Variants in PCARE observed in about 807,000 individuals in gnomAD.
The protein encoded by PCARE is uncharacterized protein C2orf71.
In PCARE, 72 loss-of-function variants were observed where a neutral mutation model predicts 82.2. The ratio of observed to expected loss-of-function variants is 0.88; its 90% CI spans 0.72 to 1.07. PCARE has a LOEUF of 1.07. Among genes scored for constraint, PCARE ranks in the 50% least tolerant of loss-of-function variants. PCARE has a pLI of 0.00. For missense variants in PCARE, 1,768 were observed against 1,592.4 expected (o/e 1.11, Z -1.88); for synonymous variants, 705 against 634.8 (o/e 1.11, Z -1.66).
chr2:29,069,429 C>G (rs747622339), intron 1 of PCARE, among the ~76,000 whole-genome samples: 4 of 152,198 alleles, frequency 2.6e-5, no homozygotes, highest in Non-Finnish European at 2.9e-5. Flanking sequence ...ATTAATTATC[C>G]TTAGCAAACT....
rs746005947 is a variant in PCARE, at chr2:29,073,354, G to A, written c.908C>T (p.Thr303Ile). Residue 303 changes from threonine (T) to isoleucine (I), a missense_variant, in exon 1 of 2, where the codon ACT becomes ATT. Coordinates refer to ENST00000331664, the MANE Select transcript of PCARE (RefSeq NM_001029883.3). ...LEGSSSYLHS[T>I]ATHLENKLST... The stretch of plus-strand genomic sequence containing the variant: ...CAGCTTATTTTCCAAGTGGGTTGCA[G>A]TGGAGTGGAGGTAGCTGCTGGAGCC... 6.2e-7 allele frequency: 1 copy of A among 1,613,992 alleles called. No homozygotes were observed. The highest frequency in any genetic ancestry group is 8.5e-7 in the Non-Finnish European group (1 of 1,180,046).
At position 29,071,149 on chromosome 2, in the gene PCARE, AC is replaced by A; in HGVS notation, c.3112del (p.Val1038CysfsTer2). ...TPPSPPVSPR[V>X]LSPPTTKRRT... ...CCGCTTTGTGGTGGGTGGGCTTAGCACCCTGGGGCTCACAGGTGGGCTGGGG... is the reference window on the plus strand; with the variant it reads ...CCGCTTTGTGGTGGGTGGGCTTAGCACCTGGGGCTCACAGGTGGGCTGGGG... On this transcript the variant is annotated frameshift_variant, in exon 1 of 2. Coordinates refer to ENST00000331664, the MANE Select transcript of PCARE (RefSeq NM_001029883.3). LOFTEE classifies it high-confidence loss of function. The A allele has an allele frequency of 6.3e-7, 1 of 1,575,534 alleles. No individual in the cohort carries two copies. The highest frequency in any genetic ancestry group is 8.6e-7 in the Non-Finnish European group (1 of 1,161,884).
At position 29,072,534 on chromosome 2, in the gene PCARE, T is replaced by TG; in HGVS notation, c.1727dup (p.Arg577LysfsTer3). The TG allele has an allele frequency of 6.2e-7, 1 of 1,614,134 alleles. No homozygotes were observed. Among genetic ancestry groups the TG allele is most frequent in the Non-Finnish European group, 8.5e-7 (1 of 1,180,010 alleles). On this transcript the variant is annotated frameshift_variant, in exon 1 of 2. Transcript: ENST00000331664. LOFTEE classifies it high-confidence loss of function. ...TGCTGCCACTTACCGTGCTAGGTCT[T>TG]GGGGGGACCACTGTCCTCCCCTCCT... is the stretch of plus-strand genomic sequence containing the variant.
chr2:29,071,123 G>A lies in PCARE; in HGVS notation c.3139C>T (p.Arg1047Ter), dbSNP rs767286082. 3.8e-6 allele frequency: 6 copies of A among 1,586,704 alleles called. No homozygotes were observed. Among genetic ancestry groups the A allele is most frequent in the East Asian group, 2.2e-5 (1 of 44,606 alleles). The change falls in exon 1 of 2, where the codon CGA becomes TGA. Residue 1047 changes from arginine to a stop codon, truncating the protein, a stop_gained. Coordinates refer to ENST00000331664, the MANE Select transcript of PCARE (RefSeq NM_001029883.3). LOFTEE classifies it high-confidence loss of function. Reference protein sequence around the residue: ...RVLSPPTTKRRTSPPHQPKLP... With the variant: ...RVLSPPTTKR ...TTGGGCTGGTGCGGTGGGGAAGTTCGCCGCTTTGTGGTGGGTGGGCTTAGC... is the reference window on the plus strand; with the variant it reads ...TTGGGCTGGTGCGGTGGGGAAGTTCACCGCTTTGTGGTGGGTGGGCTTAGC...
chr2:29,073,981 G>T lies in PCARE; in HGVS notation c.281C>A (p.Pro94Gln). Residue 94 changes from proline to glutamine, a missense_variant, in exon 1 of 2, where the codon CCA becomes CAA. Pro to Gln is a moderately conservative substitution (Grantham distance 76, BLOSUM62 -1). Coordinates refer to ENST00000331664, the MANE Select transcript of PCARE (RefSeq NM_001029883.3). ...CTGGGATGAAGAGGTTTTGGTTCCT[G>T]GGATCAGTCCTTCCATATCTTTCCT... is the stretch of plus-strand genomic sequence containing the variant. ...GKRKDMEGLI[P>Q]GTKTSSSQLN... is the part of the protein sequence containing the mutation. 1 of 1,614,196 alleles carries T rather than the reference G, an allele frequency of 6.2e-7. No homozygotes were observed. The highest frequency in any genetic ancestry group is 8.5e-7 in the Non-Finnish European group (1 of 1,180,022).
chr2:29,072,777 G>A lies in PCARE; in HGVS notation c.1485C>T (p.Asp495=). Residue 495 remains aspartate, a synonymous_variant, in exon 1 of 2, where the codon GAC becomes GAT. Coordinates refer to ENST00000331664, the MANE Select transcript of PCARE (RefSeq NM_001029883.3). ...EDSSPEEEEE[D]KMSSMSLCAW... ...CACACAGACTCATGCTGCTCATTTT[G>A]TCTTCCTCCTCCTCCTCTGGGCTGC... 1 of 1,614,034 alleles carries A rather than the reference G, an allele frequency of 6.2e-7. No individual in the cohort carries two copies. The highest frequency in any genetic ancestry group is 8.5e-7 in the Non-Finnish European group (1 of 1,180,006).
In PCARE at chr2:29,073,460, G is replaced by A. The variant is rs866543181; in HGVS notation, c.802C>T (p.Gln268Ter). The change falls in exon 1 of 2, where the codon CAA (glutamine) becomes TAA (stop). Residue 268 changes from glutamine to a stop codon, truncating the protein, a stop_gained. Transcript: ENST00000331664. LOFTEE classifies it high-confidence loss of function. ...CTGACTGTGTACTGTAGCAGCTGTT[G>A]CAGGAGATTTGGCTGCTCCTGGGGC... ...REPQEQPNLL[Q>*]QLLQYTVSKL... 2 of 1,614,062 alleles carry A rather than the reference G, an allele frequency of 1.2e-6. No individual in the cohort carries two copies. The highest frequency in any genetic ancestry group is 1.3e-5 in the African/African-American group (1 of 74,930).
Position 29,073,022 on chromosome 2 carries a change from G to A in PCARE, c.1240C>T (p.Leu414Phe), listed in dbSNP as rs1558489813. The A allele has an allele frequency of 6.2e-7, 1 of 1,614,164 alleles. No homozygotes were observed. Among genetic ancestry groups the A allele is most frequent in the Non-Finnish European group, 8.5e-7 (1 of 1,180,024 alleles). The stretch of plus-strand genomic sequence containing the variant: ...ACCTTTGCCATAGGAGCCCCTGAGA[G>A]CAGGCAGTCCTGGGGTCTGCCTGAG... ...LGSGRPQDCLLSGAPMAKVQP... is the reference protein window; with the variant it reads ...LGSGRPQDCLFSGAPMAKVQP... Residue 414 changes from leucine to phenylalanine, a missense_variant, in exon 1 of 2, where the codon CTC becomes TTC. Physicochemically the swap from Leu to Phe is conservative, Grantham distance 22. Transcript: ENST00000331664.
In PCARE at chr2:29,063,625, C is replaced by G. The variant is rs1667344190; in HGVS notation, c.*1244G>C. 1 of 152,600 alleles carries G rather than the reference C, an allele frequency of 6.6e-6. No homozygotes were observed. Among genetic ancestry groups the G allele is most frequent in the African/African-American group, 2.4e-5 (1 of 41,434 alleles). The allele number at this position is 152,600 out of a possible 1,614,324, so 9.5% of individuals were successfully genotyped here. A position where few individuals can be genotyped will look rare whatever the true frequency, so the allele number is the denominator to read the frequency against. ...CTGGAGGATCGTCCCTTTGCTGTAC[C>G]CCAGTGGGTAAGAATTCTTGTCTTT... is the stretch of plus-strand genomic sequence containing the variant. On this transcript the variant is annotated 3_prime_UTR_variant, in exon 2 of 2. Transcript: ENST00000331664.
chr2:29,072,586 C>G lies in PCARE; in HGVS notation c.1676G>C (p.Cys559Ser). ...SERIKFVPVP[C>S]GHQDWSEEEE... ...CTCCTCAGACCAGTCCTGGTGCCCA[C>G]AGGGCACAGGGACAAACTTGATCCT... The change falls in exon 1 of 2, where the codon TGT becomes TCT. Residue 559 changes from cysteine to serine, a missense_variant. Physicochemically the swap from Cys to Ser is moderately radical, Grantham distance 112. Coordinates refer to ENST00000331664, the MANE Select transcript of PCARE (RefSeq NM_001029883.3). 6.2e-7 allele frequency: 1 copy of G among 1,614,144 alleles called. No individual in the cohort carries two copies. Among genetic ancestry groups the G allele is most frequent in the Non-Finnish European group, 8.5e-7 (1 of 1,180,006 alleles).
At position 29,072,851 on chromosome 2, in the gene PCARE, T is replaced by C. The variant is rs535422868; in HGVS notation, c.1411A>G (p.Lys471Glu). The change falls in exon 1 of 2, where the codon AAA becomes GAA. Residue 471 changes from lysine to glutamate, a missense_variant. Coordinates refer to ENST00000331664, the MANE Select transcript of PCARE (RefSeq NM_001029883.3). ...GAAGCGTCCATCGGCCTGGAGGTTT[T>C]GGAAAGGTGTGGTTCCACAGAGACC... The part of the protein sequence containing the change: ...IGVSVEPHLS[K>E]TSRPMDASSL... 5.0e-6 allele frequency: 8 copies of C among 1,614,174 alleles called. No homozygotes were observed. In the East Asian group the frequency reaches 1.8e-4, roughly 36 times the overall value.
rs538810981 is a variant in PCARE at position 29,064,012 on chromosome 2, G to C, written c.*857C>G. The C allele has an allele frequency of 2.6e-5, 4 of 153,696 alleles. No individual in the cohort carries two copies. In the South Asian group the frequency reaches 8.3e-4, roughly 32 times the overall value. The allele number at this position is 153,696 out of a possible 1,614,324, so 9.5% of individuals were successfully genotyped here. On this transcript the variant is annotated 3_prime_UTR_variant, in exon 2 of 2. Coordinates refer to ENST00000331664, the MANE Select transcript of PCARE (RefSeq NM_001029883.3). Reference sequence around the variant, plus strand: ...TACTCCGTCGAGAAGCATGTAATGCGTAGGGCAGTGAGAGCATTTGCTACA... The same window carrying C: ...TACTCCGTCGAGAAGCATGTAATGCCTAGGGCAGTGAGAGCATTTGCTACA...
At position 29,073,998 on chromosome 2, in the gene PCARE, A is replaced by T; in HGVS notation, c.264T>A (p.Asp88Glu). 6.2e-7 allele frequency: 1 copy of T among 1,614,112 alleles called. No individual in the cohort carries two copies. The highest frequency in any genetic ancestry group is 8.5e-7 in the Non-Finnish European group (1 of 1,180,012). The change falls in exon 1 of 2, where the codon GAT becomes GAA. Residue 88 changes from aspartate (D) to glutamate (E), a missense_variant. Asp to Glu is a conservative substitution (Grantham distance 45). Coordinates refer to ENST00000331664, the MANE Select transcript of PCARE (RefSeq NM_001029883.3). The stretch of plus-strand genomic sequence containing the variant: ...TGGTTCCTGGGATCAGTCCTTCCAT[A>T]TCTTTCCTTTTGCCTGAAGCAGGAT... ...MGDPASGKRKDMEGLIPGTKT... is the reference protein window; with the variant it reads ...MGDPASGKRKEMEGLIPGTKT...
Position 29,074,102 on chromosome 2 carries a change from C to G in PCARE, c.160G>C (p.Gly54Arg). 6.2e-7 allele frequency: 1 copy of G among 1,614,212 alleles called. No individual in the cohort carries two copies. Residue 54 changes from glycine to arginine, a missense_variant, in exon 1 of 2, where the codon GGG (glycine) becomes CGG (arginine). By Grantham distance (125) the Gly-to-Arg change is moderately radical. Coordinates refer to ENST00000331664, the MANE Select transcript of PCARE (RefSeq NM_001029883.3). Reference protein sequence around the residue: ...LVKNSTCYDAGEGLAEEQPSP... With the variant: ...LVKNSTCYDAREGLAEEQPSP... The stretch of plus-strand genomic sequence containing the variant: ...GGCTGCTCCTCTGCCAGGCCCTCCC[C>G]AGCGTCATAGCAGGTGGAGTTTTTA...
At position 29,072,618 on chromosome 2, in the gene PCARE, G is replaced by A. The variant is rs1667511499; in HGVS notation, c.1644C>T (p.Ile548=). The change falls in exon 1 of 2, where the codon ATC becomes ATT. Residue 548 remains isoleucine, a synonymous_variant. Transcript: ENST00000331664. ...QEMILKMKES[I]SERIKFVPVP... The stretch of plus-strand genomic sequence containing the variant: ...CAGGGACAAACTTGATCCTTTCGCT[G>A]ATTGACTCCTTCATCTTCAGAATCA... 6.2e-7 allele frequency: 1 copy of A among 1,614,134 alleles called. No individual in the cohort carries two copies. The highest frequency in any genetic ancestry group is 8.5e-7 in the Non-Finnish European group (1 of 1,180,026).
At position 29,073,589 on chromosome 2, in the gene PCARE, A is replaced by ACAG; in HGVS notation, c.670_672dup (p.Leu224dup). 6.2e-7 allele frequency: 1 copy of ACAG among 1,614,180 alleles called. No homozygotes were observed. The highest frequency in any genetic ancestry group is 8.5e-7 in the Non-Finnish European group (1 of 1,180,026). ...AACAGCTGGCTGATCTCCTCAAAGCACAGCAGCAAGAAGCTGACCATGGGC... is the reference window on the plus strand; with the variant it reads ...AACAGCTGGCTGATCTCCTCAAAGCACAGCAGCAGCAAGAAGCTGACCATGGGC... On this transcript the variant is annotated inframe_insertion, in exon 1 of 2. Transcript: ENST00000331664.
Position 29,073,255 on chromosome 2 carries a change from C to T in PCARE, c.1007G>A (p.Gly336Asp), listed in dbSNP as rs1667525799. ...RQLESLASGCGDPGVQGLPLC... is the reference protein window; with the variant it reads ...RQLESLASGCDDPGVQGLPLC... Reference sequence around the variant, plus strand: ...GGGGAGACCCTGCACCCCAGGGTCGCCACAGCCACTCGCCAGGCTCTCTAG... The same window carrying T: ...GGGGAGACCCTGCACCCCAGGGTCGTCACAGCCACTCGCCAGGCTCTCTAG... The change falls in exon 1 of 2, where the codon GGC (glycine) becomes GAC (aspartate). Residue 336 changes from glycine to aspartate, a missense_variant. Coordinates refer to ENST00000331664, the MANE Select transcript of PCARE (RefSeq NM_001029883.3). The T allele has an allele frequency of 6.2e-7, 1 of 1,613,896 alleles. No homozygotes were observed. Among genetic ancestry groups the T allele is most frequent in the Non-Finnish European group, 8.5e-7 (1 of 1,179,936 alleles).
rs746938428 is a variant in PCARE, at chr2:29,071,972, T to A, written c.2290A>T (p.Met764Leu). The A allele has an allele frequency of 6.2e-7, 1 of 1,613,988 alleles. No individual in the cohort carries two copies. The highest frequency in any genetic ancestry group is 8.5e-7 in the Non-Finnish European group (1 of 1,179,862). The change falls in exon 1 of 2, where the codon ATG (methionine) becomes TTG (leucine). Residue 764 changes from methionine (M) to leucine (L), a missense_variant. Met to Leu is a conservative substitution (Grantham distance 15, BLOSUM62 2). Transcript: ENST00000331664. ...GASPCLRNCI[M>L]PPRFPKYTGL... ...GTGTACTTGGGAAATCTGGGGGGCA[T>A]GATGCAATTCCTGAGGCAGGGACTT...
In PCARE at chr2:29,071,208, A is replaced by C. The variant is rs781709711; in HGVS notation, c.3054T>G (p.Pro1018=). The change falls in exon 1 of 2, where the codon CCT becomes CCG. Residue 1018 remains proline (P), a synonymous_variant. Transcript: ENST00000331664. ...GCACAGCAGAGGGGCTTGGCTGGGC[A>C]GGTCTGTAAGAGGAGGGAAGGCTCC... The part of the protein sequence containing the change: ...RRRSLPSSYR[P]AQPSPSAVQT... 1.9e-6 allele frequency: 3 copies of C among 1,603,590 alleles called. No homozygotes were observed. The highest frequency in any genetic ancestry group is 1.7e-6 in the Non-Finnish European group (2 of 1,174,828).
Sources: allele counts gnomAD v4.1 joint callset (sites outside exome capture counted in the v4.1 genomes callset), GRCh38; gene constraint gnomAD v4.1.1; transcripts MANE v1.5; gene names NCBI Gene and HGNC (gene_info 2026-07-23, HGNC 2026-07-21).